The following TRPC1 variants were observed in gnomAD, a reference collection of about 807,000 sequenced individuals.
TRPC1 encodes the protein short transient receptor potential channel 1.
A neutral mutation model predicts 88.2 loss-of-function variants in TRPC1; 42 were observed. The ratio of observed to expected loss-of-function variants is 0.48; its 90% CI spans 0.37 to 0.62. The LOEUF is 0.62. Ranked by LOEUF, TRPC1 falls within the 20% of genes least tolerant of loss-of-function variation. The probability of loss-of-function intolerance (pLI) is 0.00; values close to 1 mark genes in which losing one functional copy is unlikely to be tolerated. For missense variants in TRPC1, 699 were observed against 957.3 expected, an observed-to-expected ratio of 0.73 and a Z score of 3.56; for synonymous variants, 288 against 331.8, an observed-to-expected ratio of 0.87 and a Z score of 1.43.
At chr3:142,780,295 ATCTT>A (rs900546341) in intron 5 of TRPC1, among the ~76,000 whole-genome samples, 13 of 152,218 alleles carry the variant, frequency 8.5e-5, no homozygotes, top group Non-Finnish European at 1.6e-4. Context: ...GCATTTTAAT[ATCTT>A]TCTTTCTAAT....
At chr3:142,764,017 A>T (rs866093731) in intron 4 of TRPC1, among the ~76,000 whole-genome samples, 2,527 of 108,214 alleles carry the variant, frequency 0.023, 222 homozygotes, top group African/African-American at 0.099. Context: ...TATATATATA[A>T]CAAATTATTT....
chr3:142,794,328 A>T (rs1267807456), intron 9 of TRPC1, among the ~76,000 whole-genome samples: 2 of 152,126 alleles, frequency 1.3e-5, no homozygotes, highest in Non-Finnish European at 2.9e-5. Flanking sequence ...GACTCCTATA[A>T]AGGGTTAAAA....
At chr3:142,752,209 G>A in intron 4 of TRPC1, among the ~76,000 whole-genome samples, 1 of 152,188 alleles carries the variant, frequency 6.6e-6, no homozygotes, top group Non-Finnish European at 1.5e-5. Context: ...CGGCCTCTGA[G>A]TTCCCTCAGT....
intron 4 of TRPC1, among the ~76,000 whole-genome samples, chr3:142,756,382 CAG>C (rs1370168289): frequency 1.4e-5 from 2 of 139,068 alleles, no homozygotes; most frequent in East Asian, 4.4e-4. Flanking sequence ...TTTTTTGAGA[CAG>C]AGTCTCGCTC....
rs1219442481 is a variant in TRPC1 at position 142,743,593 on chromosome 3, A to G, written c.429+7A>G. 1.2e-5 allele frequency: 18 copies of G among 1,452,602 alleles called. No individual in the cohort carries two copies. Among genetic ancestry groups the G allele is most frequent in the Non-Finnish European group, 1.5e-5 (17 of 1,103,820 alleles). The allele number at this position is 1,452,602 out of a possible 1,614,324, so 90.0% of individuals were successfully genotyped here. A position where few individuals can be genotyped will look rare whatever the true frequency, so the allele number is the denominator to read the frequency against. ...ATCAAGACCAACTATAGTAGTTAGT[A>G]CTCTTAAATATTTATTAATTTGGAT... is the stretch of plus-strand genomic sequence containing the variant. On this transcript the variant is annotated splice_region_variant and intron_variant, in intron 3 of 12. Coordinates refer to ENST00000476941, the MANE Select transcript of TRPC1 (RefSeq NM_001251845.2).
chr3:142,786,080 TGAG>T (rs1231704123), intron 7 of TRPC1, among the ~76,000 whole-genome samples: 1 of 152,214 alleles, frequency 6.6e-6, no homozygotes, highest in East Asian at 1.9e-4. Context: ...TGTGGAGAGT[TGAG>T]GTAGAATCAC....
intron 4 of TRPC1, among the ~76,000 whole-genome samples, chr3:142,770,778 T>G (rs985820811): frequency 2.6e-5 from 4 of 152,242 alleles, no homozygotes; most frequent in African/African-American, 9.6e-5. Context: ...TCTTCATTAG[T>G]GCTGTCTTTT....
At position 142,784,975 on chromosome 3, in the gene TRPC1, A is replaced by T; in HGVS notation, c.1232A>T (p.Asp411Val). 1 of 1,613,850 alleles carries T rather than the reference A, an allele frequency of 6.2e-7. No individual in the cohort carries two copies. Among genetic ancestry groups the T allele is most frequent in the South Asian group, 1.1e-5 (1 of 91,018 alleles). ...LNLYSLVYNE[D>V]KKNTMGPALE... ...CTATACTCTCTTGTCTACAATGAGGATAAGAAAAACACAATGGGGCCAGCC... is the reference window on the plus strand; with the variant it reads ...CTATACTCTCTTGTCTACAATGAGGTTAAGAAAAACACAATGGGGCCAGCC... Residue 411 changes from aspartate (D) to valine (V), a missense_variant, in exon 7 of 13, where the codon GAT (aspartate) becomes GTT (valine). Transcript: ENST00000476941.
intron 9 of TRPC1, among the ~76,000 whole-genome samples, chr3:142,796,999 A>C (rs768786563): frequency 1.3e-5 from 2 of 152,042 alleles, no homozygotes; most frequent in Non-Finnish European, 2.9e-5. Context: ...AGTCGAGTGG[A>C]CCTGTTTGCC....
intron 6 of TRPC1, among the ~76,000 whole-genome samples, chr3:142,783,705 A>T (rs1437254263): frequency 6.6e-6 from 1 of 152,186 alleles, no homozygotes; most frequent in Non-Finnish European, 1.5e-5. Flanking sequence ...ACTCTGTCCA[A>T]TTCTTTTTTT....
intron 3 of TRPC1, among the ~76,000 whole-genome samples, chr3:142,747,248 G>C (rs1195427023): frequency 6.6e-6 from 1 of 151,816 alleles, no homozygotes; most frequent in Non-Finnish European, 1.5e-5. Context: ...ATGTTCCTTG[G>C]GTAGTAGGAA....
At chr3:142,780,757 A>G (rs1577992362) in intron 5 of TRPC1, 77 bp from the exon 6 acceptor site, 2 of 1,351,532 alleles carry the variant, frequency 1.5e-6, no homozygotes, top group Non-Finnish European at 2.0e-6. Context: ...GTTGCTGAGT[A>G]AAAACGTTTT....
chr3:142,743,509 A>T lies in TRPC1; in HGVS notation c.352A>T (p.Ile118Phe), dbSNP rs771108749. Residue 118 changes from isoleucine (I) to phenylalanine (F), a missense_variant, in exon 3 of 13, where the codon ATC (isoleucine) becomes TTC (phenylalanine). Coordinates refer to ENST00000476941, the MANE Select transcript of TRPC1 (RefSeq NM_001251845.2). ...GTCTGCAGATGCACTTTTGGTGGCA[A>T]TCGACTCTGAAGTAGTGGGAGCTGT... ...CQSADALLVA[I>F]DSEVVGAVDI... 1 of 1,516,544 alleles carries T rather than the reference A, an allele frequency of 6.6e-7. No individual in the cohort carries two copies. Among genetic ancestry groups the T allele is most frequent in the Admixed American group, 2.1e-5 (1 of 47,198 alleles). 93.9% of individuals were successfully genotyped at this position (1,516,544 alleles called of 1,614,324 possible).
intron 4 of TRPC1, among the ~76,000 whole-genome samples, chr3:142,754,200 T>C (rs567640248): frequency 6.6e-6 from 1 of 152,096 alleles, no homozygotes; most frequent in South Asian, 2.1e-4. Flanking sequence ...TAGTAAACCA[T>C]TGTAGTTTAG....
At chr3:142,748,039 A>G (rs1007692301) in intron 3 of TRPC1, among the ~76,000 whole-genome samples, 1 of 152,136 alleles carries the variant, frequency 6.6e-6, no homozygotes, top group African/African-American at 2.4e-5. Flanking sequence ...AATGTTACCT[A>G]TTGAAGATTT....
intron 4 of TRPC1, among the ~76,000 whole-genome samples, chr3:142,751,332 C>T (rs529905629): frequency 6.6e-6 from 1 of 152,014 alleles, no homozygotes; most frequent in Admixed American, 6.6e-5. Context: ...TTTACTGTAC[C>T]TTTTCTATGT....
intron 4 of TRPC1, among the ~76,000 whole-genome samples, chr3:142,763,983 TACACATACATACATAC>T (rs1436816393): frequency 0.028 from 2,039 of 73,530 alleles, 232 homozygotes; most frequent in African/African-American, 0.12. Flanking sequence ...TATATATATA[TACACATACATACATAC>T]ATATATATAT....
chr3:142,763,999 C>A (rs4683430), intron 4 of TRPC1, among the ~76,000 whole-genome samples: 3 of 39,888 alleles, frequency 7.5e-5, no homozygotes, highest in African/African-American at 1.8e-4. Flanking sequence ...TACATACATA[C>A]ATATATATAT....
Position 142,743,548 on chromosome 3 carries a change from A to G in TRPC1, c.391A>G (p.Asn131Asp). 1 of 1,527,542 alleles carries G rather than the reference A, an allele frequency of 6.5e-7. No homozygotes were observed. Among genetic ancestry groups the G allele is most frequent in the East Asian group, 2.5e-5 (1 of 40,432 alleles). 94.6% of individuals were successfully genotyped at this position (1,527,542 alleles called of 1,614,324 possible). A position where few individuals can be genotyped will look rare whatever the true frequency, so the allele number is the denominator to read the frequency against. Reference protein sequence around the residue: ...EVVGAVDILLNHRPKRSSRPT... With the variant: ...EVVGAVDILLDHRPKRSSRPT... ...AGTGGGAGCTGTTGATATACTACTTAATCATCGACCAAAACGATCATCAAG... is the reference window on the plus strand; with the variant it reads ...AGTGGGAGCTGTTGATATACTACTTGATCATCGACCAAAACGATCATCAAG... Residue 131 changes from asparagine to aspartate, a missense_variant, in exon 3 of 13, where the codon AAT becomes GAT. This residue lies in a region of TRPC1 where 426 missense variants were observed against 641.3 expected (regional missense o/e 0.66). Transcript: ENST00000476941.
Sources: allele counts gnomAD v4.1 joint callset (sites outside exome capture counted in the v4.1 genomes callset), GRCh38; gene constraint gnomAD v4.1.1; regional missense constraint gnomAD v4.1.1; transcripts MANE v1.5; gene names NCBI Gene and HGNC (gene_info 2026-07-23, HGNC 2026-07-21).